SPATA6: variants seen among roughly 807,000 people sequenced by gnomAD.
SPATA6 encodes the protein spermatogenesis associated 6, also known as spermatogenesis-associated protein 6.
In SPATA6, 56 loss-of-function variants were observed where a neutral mutation model predicts 65.3. The ratio of observed to expected loss-of-function variants is 0.86; its 90% confidence interval spans 0.69 to 1.07. SPATA6 has a LOEUF of 1.07. Among genes scored for constraint, SPATA6 ranks in the 50% least tolerant of loss-of-function variants. The pLI is 0.00. For synonymous variants in SPATA6, 199 were observed against 213.2 expected (o/e 0.93, Z 0.58); for missense variants, 590 against 594.8 (o/e 0.99, Z 0.08).
intron 3 of SPATA6, among the ~76,000 whole-genome samples, chr1:48,428,936 G>A (rs1213527626): frequency 6.6e-6 from 1 of 151,520 alleles, no homozygotes; most frequent in African/African-American, 2.4e-5. Context: ...TCTATTTGAT[G>A]TAACTATTTT....
At chr1:48,286,995 C>T in the SPATA6 span, among the ~76,000 whole-genome samples, 28 of 149,616 alleles carry the variant, frequency 1.9e-4, no homozygotes, top group South Asian at 6.3e-4. Context: ...GCCGAGATCA[C>T]GCCACTGCAC....
intron 9 of SPATA6, among the ~76,000 whole-genome samples, chr1:48,374,463 A>C (rs1403780471): frequency 6.6e-6 from 1 of 152,202 alleles, no homozygotes; most frequent in Non-Finnish European, 1.5e-5. Flanking sequence ...TGGCTTAACT[A>C]TCAGAACAAA....
chr1:48,397,426 T>C (rs759500889), intron 7 of SPATA6, among the ~76,000 whole-genome samples: 8 of 151,782 alleles, frequency 5.3e-5, no homozygotes, highest in Non-Finnish European at 7.4e-5. Flanking sequence ...TTTACTCGTC[T>C]AGGATAATTG....
chr1:48,264,087 C>T, the SPATA6 span, among the ~76,000 whole-genome samples: 3 of 152,214 alleles, frequency 2.0e-5, no homozygotes, highest in South Asian at 6.2e-4. Context: ...CACAAGTGCT[C>T]AATAAATATG....
intron 3 of SPATA6, among the ~76,000 whole-genome samples, chr1:48,434,301 A>G (rs901633116): frequency 5.9e-5 from 9 of 151,760 alleles, no homozygotes; most frequent in African/African-American, 1.9e-4. Flanking sequence ...CTACTCCTAT[A>G]AAACTGTTAT....
chr1:48,398,498 G>A (rs1376170459), intron 7 of SPATA6, among the ~76,000 whole-genome samples: 1 of 151,726 alleles, frequency 6.6e-6, no homozygotes, highest in Non-Finnish European at 1.5e-5. Flanking sequence ...AAAGACATTA[G>A]TCAGAAATAT....
chr1:48,438,367 G>C (rs1420443972), intron 3 of SPATA6, among the ~76,000 whole-genome samples: 1 of 152,080 alleles, frequency 6.6e-6, no homozygotes. Context: ...TAAATACCAG[G>C]CACCTGTTGG....
At chr1:48,285,706 C>A in the SPATA6 span, among the ~76,000 whole-genome samples, 1 of 152,168 alleles carries the variant, frequency 6.6e-6, no homozygotes, top group African/African-American at 2.4e-5. Context: ...TTCCTGACCA[C>A]TTGCACTTCC....
At chr1:48,385,169 C>T (rs1649328557) in intron 9 of SPATA6, 140 bp downstream of exon 9, 2 of 766,460 alleles carry the variant, frequency 2.6e-6, no homozygotes, top group Non-Finnish European at 3.8e-6. Flanking sequence ...ACCAAAATAA[C>T]ATTATATGAC....
intron 10 of SPATA6, among the ~76,000 whole-genome samples, chr1:48,356,519 T>C (rs1646665722): frequency 6.8e-6 from 1 of 146,906 alleles, no homozygotes; most frequent in Non-Finnish European, 1.5e-5. Context: ...TCTTTTTTTT[T>C]TTTTTTTTTT....
In SPATA6 at chr1:48,471,955, C is replaced by T; in HGVS notation, c.51+3G>A. The T allele has an allele frequency of 6.2e-7, 1 of 1,608,564 alleles. No individual in the cohort carries two copies. Among genetic ancestry groups the T allele is most frequent in the Non-Finnish European group, 8.5e-7 (1 of 1,178,556 alleles). On this transcript the variant is annotated splice_donor_region_variant and intron_variant, in intron 1 of 12. Transcript: ENST00000371847. ...GGGGGTGGGAGGCGCTACCGGTACT[C>T]ACTGAGCTGATCTCCAGCGCCAGGG...
chr1:48,446,678 C>G (rs757525829), intron 3 of SPATA6, among the ~76,000 whole-genome samples: 2 of 152,062 alleles, frequency 1.3e-5, no homozygotes, highest in Non-Finnish European at 2.9e-5. Context: ...TTATATGAAG[C>G]AAAACCTGAT....
rs183805243 is a variant in SPATA6, at chr1:48,320,488, T to C, written c.1195-14610A>G. On this transcript the variant is annotated intron_variant, in intron 11 of 12. Transcript: ENST00000371847. ...GTATTTAAAGTGCTGAAGGAAAACC[T>C]TGTATTGTAGAATAGTATATCTGGC... 6.6e-5 allele frequency among the ~76,000 whole-genome samples: 10 copies of C among 152,338 alleles called. No homozygotes were observed. In the East Asian group the frequency reaches 1.7e-3, roughly 26 times the overall value.
chr1:48,276,392 C>T, the SPATA6 span, among the ~76,000 whole-genome samples: 1 of 151,830 alleles, frequency 6.6e-6, no homozygotes, highest in Non-Finnish European at 1.5e-5. Flanking sequence ...AATTTGTTTG[C>T]TCTTGGTTCT....
chr1:48,283,724 A>AGAAAGAAAGAAAG, the SPATA6 span, among the ~76,000 whole-genome samples: 2 of 148,880 alleles, frequency 1.3e-5, no homozygotes, highest in Non-Finnish European at 3.0e-5. Context: ...AAAGAAAGAA[A>AGAAAGAAAGAAAG]ATTCTTTTCT....
intron 11 of SPATA6, among the ~76,000 whole-genome samples, chr1:48,314,719 C>A (rs1372371389): frequency 6.6e-6 from 1 of 151,674 alleles, no homozygotes; most frequent in East Asian, 1.9e-4. Flanking sequence ...GACAGAGACA[C>A]AAAAGACCCT....
At chr1:48,408,161 A>G (rs1205556905) in intron 5 of SPATA6, among the ~76,000 whole-genome samples, 5 of 152,238 alleles carry the variant, frequency 3.3e-5, no homozygotes, top group African/African-American at 9.6e-5. Flanking sequence ...ATAAATCTAT[A>G]GGAGAAATTA....
intron 9 of SPATA6, among the ~76,000 whole-genome samples, chr1:48,375,638 C>T (rs1647803212): frequency 6.6e-6 from 1 of 152,018 alleles, no homozygotes; most frequent in Non-Finnish European, 1.5e-5. Context: ...TTGAAATAAG[C>T]AACTATTAAA....
At chr1:48,310,892 T>A (rs115737781) in intron 11 of SPATA6, among the ~76,000 whole-genome samples, 1,861 of 152,156 alleles carry the variant, frequency 0.012, 45 homozygotes, top group African/African-American at 0.043. Flanking sequence ...CTGGCCACAA[T>A]AACATGAAAT....
Sources: gnomAD v4.1 joint callset for allele counts (sites outside exome capture counted in the v4.1 genomes callset) on GRCh38, gnomAD v4.1.1 for gene constraint, MANE v1.5 for transcripts, NCBI Gene and HGNC (gene_info 2026-07-23, HGNC 2026-07-21) for gene names.